The following VPS13C variants were observed in gnomAD, a reference collection of about 807,000 sequenced individuals.
VPS13C encodes intermembrane lipid transfer protein VPS13C.
A neutral mutation model predicts 456.8 loss-of-function variants in VPS13C; 358 were observed. That is an observed-to-expected ratio of 0.78 (90% CI 0.72 to 0.86). The LOEUF is 0.86. Ranked by LOEUF, VPS13C falls within the 40% of genes least tolerant of loss-of-function variation. The pLI is 0.00. For missense variants in VPS13C, 4,818 were observed against 4,385.4 expected, an observed-to-expected ratio of 1.10 and a Z score of -2.79; for synonymous variants, 1,578 against 1,486.7, an observed-to-expected ratio of 1.06 and a Z score of -1.41.
intron 3 of VPS13C, 148 bp from the exon 4 acceptor site, chr15:62,035,200 T>C: frequency 2.3e-6 from 1 of 444,088 alleles, no homozygotes; most frequent in South Asian, 6.1e-5. Context: ...AACACTAAAG[T>C]TTACAAAGGT....
chr15:62,023,208 G>A (rs1020135617), intron 8 of VPS13C, among the ~76,000 whole-genome samples: 5 of 151,600 alleles, frequency 3.3e-5, no homozygotes, highest in Non-Finnish European at 7.4e-5. Context: ...CTTCAGAAAG[G>A]AACACATGGT....
intron 16 of VPS13C, among the ~76,000 whole-genome samples, chr15:61,998,339 T>C (rs778568951): frequency 5.9e-5 from 9 of 152,222 alleles, no homozygotes; most frequent in Non-Finnish European, 8.8e-5. Context: ...TTTATTCTTA[T>C]TGAAGTACTT....
At chr15:62,035,504 A>C (rs2047963182) in intron 3 of VPS13C, among the ~76,000 whole-genome samples, 1 of 152,016 alleles carries the variant, frequency 6.6e-6, no homozygotes, top group African/African-American at 2.4e-5. Flanking sequence ...TTCTATCCAC[A>C]TCAACAAATA....
At chr15:61,869,722 A>G in intron 79 of VPS13C, 99 bp from the exon 80 acceptor site, 1 of 1,526,252 alleles carries the variant, frequency 6.6e-7, no homozygotes, top group South Asian at 1.3e-5. Context: ...TGTTTTACCC[A>G]GGAAGTTACA....
chr15:61,887,739 C>A (rs1232246873), intron 67 of VPS13C, among the ~76,000 whole-genome samples: 1 of 151,804 alleles, frequency 6.6e-6, no homozygotes, highest in Non-Finnish European at 1.5e-5. Context: ...ATATAAAACA[C>A]AAAATTACAA....
chr15:61,942,894 G>T (rs1031861484), intron 45 of VPS13C, among the ~76,000 whole-genome samples: 4 of 151,926 alleles, frequency 2.6e-5, no homozygotes, highest in African/African-American at 9.7e-5. Context: ...AAGGCTCCTG[G>T]AACTGACATA....
At position 62,054,990 on chromosome 15, in the gene VPS13C, C is replaced by G. The variant is rs1004367443; in HGVS notation, c.100+5285G>C. ...GAACTGAAATGTTTTGCCCAGGGTC[C>G]CACAGCTAATAAATAACCAAGGTCT... On this transcript the variant is annotated intron_variant, in intron 1 of 84. Transcript: ENST00000644861. Among the ~76,000 whole-genome samples, 9 of 152,100 alleles carry G rather than the reference C, an allele frequency of 5.9e-5. 1 individual carries two copies. Among genetic ancestry groups the G allele is most frequent in the Non-Finnish European group, 1.2e-4 (8 of 68,022 alleles).
chr15:61,891,203 C>G (rs922387165), intron 66 of VPS13C, among the ~76,000 whole-genome samples: 1 of 151,980 alleles, frequency 6.6e-6, no homozygotes, highest in Non-Finnish European at 1.5e-5. Context: ...TCAGTGTTTT[C>G]AGAGGTTAAA....
At chr15:62,053,117 G>A (rs1348757178) in intron 1 of VPS13C, among the ~76,000 whole-genome samples, 1 of 152,146 alleles carries the variant, frequency 6.6e-6, no homozygotes. Context: ...TAGTAACTGA[G>A]CCTAAATATG....
chr15:62,007,248 G>T, intron 15 of VPS13C, 60 bp downstream of exon 15: 1 of 1,197,552 alleles, frequency 8.4e-7, no homozygotes, highest in Non-Finnish European at 1.1e-6. Flanking sequence ...ATTACATGCA[G>T]AAGAATATTA....
intron 51 of VPS13C, among the ~76,000 whole-genome samples, chr15:61,928,720 A>C (rs920096234): frequency 6.6e-6 from 1 of 152,086 alleles, no homozygotes; most frequent in Non-Finnish European, 1.5e-5. Context: ...TGTTTACCGA[A>C]AAACAAAAAA....
Position 61,941,764 on chromosome 15 carries a change from T to A in VPS13C, c.5452A>T (p.Arg1818Ter). 1 of 1,607,430 alleles carries A rather than the reference T, an allele frequency of 6.2e-7. No individual in the cohort carries two copies. Among genetic ancestry groups the A allele is most frequent in the Non-Finnish European group, 8.5e-7 (1 of 1,176,506 alleles). The change falls in exon 46 of 85, where the codon AGA becomes TGA. Residue 1818 changes from arginine (R) to a stop codon, truncating the protein, a stop_gained and splice_region_variant. Transcript: ENST00000644861. LOFTEE classifies it high-confidence loss of function. ...CACAATTAGATTACATATTTATACC[T>A]TGACAGCTTCAACTGAGTGAGTTCG... ...NIELTQLKLS[R>*]TILQASLPQN...
intron 9 of VPS13C, among the ~76,000 whole-genome samples, chr15:62,015,186 G>T (rs979043762): frequency 6.6e-6 from 1 of 152,080 alleles, no homozygotes; most frequent in South Asian, 2.1e-4. Context: ...CTATCCTTTA[G>T]AACACAGATT....
intron 66 of VPS13C, among the ~76,000 whole-genome samples, chr15:61,902,919 AAAC>A (rs2043044724): frequency 6.6e-6 from 1 of 152,068 alleles, no homozygotes; most frequent in South Asian, 2.1e-4. Context: ...CCTCGTTCAC[AAAC>A]AACATATTAC....
chr15:61,897,441 A>G (rs919441136), intron 66 of VPS13C, among the ~76,000 whole-genome samples: 1 of 152,238 alleles, frequency 6.6e-6, no homozygotes, highest in Non-Finnish European at 1.5e-5. Context: ...AGGCTCGAGA[A>G]CTACGTGAAG....
intron 16 of VPS13C, among the ~76,000 whole-genome samples, chr15:61,993,603 T>C (rs2140428899): frequency 6.6e-6 from 1 of 151,988 alleles, no homozygotes; most frequent in South Asian, 2.1e-4. Flanking sequence ...AATTTAAAAA[T>C]AAACTGAAAA....
At chr15:61,985,076 T>C in intron 18 of VPS13C, 77 bp from the exon 19 acceptor site, 3 of 1,190,580 alleles carry the variant, frequency 2.5e-6, no homozygotes, top group Non-Finnish European at 3.3e-6. Flanking sequence ...TTATTTAAAT[T>C]TGCTGAATTA....
intron 3 of VPS13C, among the ~76,000 whole-genome samples, chr15:62,037,248 T>C (rs1216270412): frequency 7.9e-5 from 2 of 25,158 alleles, no homozygotes; most frequent in South Asian, 7.4e-4. Flanking sequence ...ATATATATAA[T>C]ATATTTATAT....
Position 61,931,243 on chromosome 15 carries a change from A to G in VPS13C, c.5885T>C (p.Phe1962Ser). The change falls in exon 50 of 85, where the codon TTT (phenylalanine) becomes TCT (serine). Residue 1962 changes from phenylalanine to serine, a missense_variant. Physicochemically the swap from Phe to Ser is radical, Grantham distance 155. Transcript: ENST00000644861. ...ACCAAGTTGGAAACTGTCATTATGAAATGCAACTCCAGATTCCTATGGTAC... is the reference window on the plus strand; with the variant it reads ...ACCAAGTTGGAAACTGTCATTATGAGATGCAACTCCAGATTCCTATGGTAC... ...NDINQESGVAFHNDSFQLGEL... is the reference protein window; with the variant it reads ...NDINQESGVASHNDSFQLGEL... The G allele has an allele frequency of 1.9e-6, 3 of 1,613,614 alleles. No homozygotes were observed. The Middle Eastern group carries it at 5.0e-4, about 268-fold the overall frequency.
Sources: gnomAD v4.1 joint callset for allele counts (sites outside exome capture counted in the v4.1 genomes callset) on GRCh38, gnomAD v4.1.1 for gene constraint, MANE v1.5 for transcripts, NCBI Gene and HGNC (gene_info 2026-07-23, HGNC 2026-07-21) for gene names.